PLCB1: variants seen among roughly 807,000 people sequenced by gnomAD.
PLCB1 encodes the protein phospholipase C beta 1.
A neutral mutation model predicts 161.8 loss-of-function variants in PLCB1; 46 were observed. The observed-to-expected ratio is 0.28, with a 90% CI of 0.22 to 0.36. The LOEUF (loss-of-function observed/expected upper bound fraction) is 0.36. Among genes scored for constraint, PLCB1 ranks in the 10% least tolerant of loss-of-function variants. The pLI is 1.00. For missense variants in PLCB1, 1,016 were observed against 1,472.5 expected (o/e 0.69, Z 5.07); for synonymous variants, 517 against 503.7 (o/e 1.03, Z -0.35).
intron 10 of PLCB1, among the ~76,000 whole-genome samples, chr20:8,686,850 A>G (rs1990370618): frequency 6.6e-6 from 1 of 152,156 alleles, no homozygotes; most frequent in African/African-American, 2.4e-5. Flanking sequence ...ACTATTCTCC[A>G]GTGAGCCCTG....
intron 3 of PLCB1, among the ~76,000 whole-genome samples, chr20:8,581,646 G>T (rs1986836479): frequency 6.6e-6 from 1 of 152,128 alleles, no homozygotes; most frequent in African/African-American, 2.4e-5. Context: ...ATCCAGGTTT[G>T]CCCAGGACTG....
intron 2 of PLCB1, among the ~76,000 whole-genome samples, chr20:8,189,356 G>A (rs1007091707): frequency 6.7e-6 from 1 of 149,210 alleles, no homozygotes; most frequent in African/African-American, 2.4e-5. Context: ...ATAATATCAT[G>A]TTATATACCT....
chr20:8,354,319 A>G (rs1986290810), intron 2 of PLCB1, among the ~76,000 whole-genome samples: 1 of 152,204 alleles, frequency 6.6e-6, no homozygotes, highest in Non-Finnish European at 1.5e-5. Flanking sequence ...GAGAAACATC[A>G]GAAGGACTAA....
At chr20:8,364,231 G>C (rs1173184434) in intron 2 of PLCB1, among the ~76,000 whole-genome samples, 1 of 152,008 alleles carries the variant, frequency 6.6e-6, no homozygotes, top group Non-Finnish European at 1.5e-5. Context: ...ACAGGCAATG[G>C]GACAATGAAG....
intron 3 of PLCB1, among the ~76,000 whole-genome samples, chr20:8,530,713 G>T (rs1343781067): frequency 2.6e-5 from 4 of 151,914 alleles, no homozygotes; most frequent in African/African-American, 9.7e-5. Flanking sequence ...CTTTACTGTT[G>T]GCCTACAATC....
chr20:8,788,740 C>T lies in PLCB1; in HGVS notation c.3278+18C>T. On this transcript the variant is annotated intron_variant, in intron 29 of 31. Coordinates refer to ENST00000338037, the MANE Select transcript of PLCB1 (RefSeq NM_015192.4). ...ATGGAAGAGTAAGTCAAAAGTGTCC[C>T]CTCTCCCAAACAGTTCATCTGGGAA... 6 of 1,500,414 alleles carry T rather than the reference C, an allele frequency of 4.0e-6. No individual in the cohort carries two copies. The highest frequency in any genetic ancestry group is 5.5e-6 in the Non-Finnish European group (6 of 1,082,794). The allele number at this position is 1,500,414 out of a possible 1,614,324, so 92.9% of individuals were successfully genotyped here.
At chr20:8,817,919 A>G (rs1444231202) in intron 31 of PLCB1, among the ~76,000 whole-genome samples, 3 of 152,250 alleles carry the variant, frequency 2.0e-5, no homozygotes, top group Non-Finnish European at 2.9e-5. Context: ...TTGATTCTCT[A>G]TAAGTGAAAA....
chr20:8,562,078 C>T (rs778709789), intron 3 of PLCB1, among the ~76,000 whole-genome samples: 7 of 151,996 alleles, frequency 4.6e-5, no homozygotes, highest in Non-Finnish European at 1.0e-4. Flanking sequence ...TAAGTGAACT[C>T]ATAGCTTAGC....
chr20:8,252,206 C>T (rs1452546051), intron 2 of PLCB1, among the ~76,000 whole-genome samples: 12 of 151,892 alleles, frequency 7.9e-5, no homozygotes, highest in Non-Finnish European at 1.5e-5. Context: ...GCATGGAAGT[C>T]CTTGGTGAAG....
intron 2 of PLCB1, among the ~76,000 whole-genome samples, chr20:8,354,366 G>A (rs148682116): frequency 5.0e-4 from 76 of 152,208 alleles, no homozygotes; most frequent in Non-Finnish European, 7.6e-4. Flanking sequence ...ACAAAGCAAT[G>A]GGATAGGAAG....
chr20:8,349,857 TGAAGAG>T (rs1986124058), intron 2 of PLCB1, among the ~76,000 whole-genome samples: 1 of 151,726 alleles, frequency 6.6e-6, no homozygotes, highest in South Asian at 2.1e-4. Context: ...GTGGTCCAGT[TGAAGAG>T]GAAGAGAATC....
intron 31 of PLCB1, among the ~76,000 whole-genome samples, chr20:8,830,261 T>C (rs1034548072): frequency 2.6e-5 from 4 of 152,118 alleles, no homozygotes; most frequent in Non-Finnish European, 5.9e-5. Flanking sequence ...TCCATTCCAA[T>C]GAAAAGAGCT....
intron 31 of PLCB1, among the ~76,000 whole-genome samples, chr20:8,878,782 A>T (rs568052161): frequency 2.0e-5 from 3 of 149,808 alleles, no homozygotes; most frequent in South Asian, 2.1e-4. Flanking sequence ...ATAAATTTTT[A>T]AAAATTTCAA....
intron 10 of PLCB1, among the ~76,000 whole-genome samples, chr20:8,695,797 C>T (rs567062935): frequency 6.6e-6 from 1 of 152,266 alleles, no homozygotes; most frequent in Admixed American, 6.5e-5. Context: ...TTGTGTGTTG[C>T]TAATGGGCCT....
chr20:8,164,305 AC>A (rs2051655141), intron 2 of PLCB1, among the ~76,000 whole-genome samples: 1 of 152,122 alleles, frequency 6.6e-6, no homozygotes, highest in Admixed American at 6.5e-5. Context: ...GATTAACTTC[AC>A]CCCCAGATCA....
chr20:8,179,808 T>G (rs1477017995), intron 2 of PLCB1, among the ~76,000 whole-genome samples: 1 of 151,662 alleles, frequency 6.6e-6, no homozygotes, highest in African/African-American at 2.4e-5. Flanking sequence ...CTCTTATTAT[T>G]TTGAGATATG....
At chr20:8,366,837 G>C (rs992351794) in intron 2 of PLCB1, among the ~76,000 whole-genome samples, 9 of 152,172 alleles carry the variant, frequency 5.9e-5, no homozygotes, top group Non-Finnish European at 1.0e-4. Context: ...GGTAGGTTAT[G>C]TGACTTTAGG....
intron 3 of PLCB1, among the ~76,000 whole-genome samples, chr20:8,607,791 A>G (rs1418197945): frequency 6.6e-6 from 1 of 152,200 alleles, no homozygotes; most frequent in East Asian, 1.9e-4. Flanking sequence ...TTAAATATGT[A>G]TTGCATGAAT....
chr20:8,776,143 A>G (rs561906983), intron 27 of PLCB1, among the ~76,000 whole-genome samples: 14 of 152,350 alleles, frequency 9.2e-5, no homozygotes, highest in African/African-American at 3.1e-4. Flanking sequence ...GTGGCCGCAT[A>G]TTAAGCATTC....
Sources: gnomAD v4.1 joint callset for allele counts (sites outside exome capture counted in the v4.1 genomes callset) on GRCh38, gnomAD v4.1.1 for gene constraint, MANE v1.5 for transcripts, NCBI Gene and HGNC (gene_info 2026-07-23, HGNC 2026-07-21) for gene names.